Variants in DOCK9 observed in about 807,000 individuals in gnomAD.
DOCK9 encodes dedicator of cytokinesis 9, also known as dedicator of cytokinesis protein 9.
Under a neutral mutation model 263.3 loss-of-function variants are expected in DOCK9, and 89 were observed. The ratio of observed to expected loss-of-function variants is 0.34; its 90% confidence interval spans 0.28 to 0.40. The LOEUF (loss-of-function observed/expected upper bound fraction) is 0.40, where lower values mean the gene tolerates loss of function less well. DOCK9 is among the 10% of genes least tolerant of loss of function. The probability of loss-of-function intolerance (pLI) is 1.00; values close to 1 mark genes in which losing one functional copy is unlikely to be tolerated. For missense variants in DOCK9, 2,140 were observed against 2,603.4 expected (o/e 0.82, Z 3.87); for synonymous variants, 976 against 973.1 (o/e 1.00, Z -0.06).
chr13:98,856,065 T>C (rs757219606), intron 33 of DOCK9, 34 bp from the exon 34 acceptor site: 6 of 1,609,752 alleles, frequency 3.7e-6, no homozygotes, highest in Non-Finnish European at 5.1e-6. Context: ...TAAAGTTTTA[T>C]TAAGACAGAA....
intron 38 of DOCK9, among the ~76,000 whole-genome samples, chr13:98,839,455 G>C (rs2093129891): frequency 6.6e-6 from 1 of 152,190 alleles, no homozygotes; most frequent in Non-Finnish European, 1.5e-5. Context: ...TGGTAAGAGG[G>C]CACACACAAG....
rs759606820 is a variant in DOCK9 at position 98,794,709 on chromosome 13, A to C, written c.6196T>G (p.Ser2066Ala). 1 of 1,613,938 alleles carries C rather than the reference A, an allele frequency of 6.2e-7. No individual in the cohort carries two copies. The highest frequency in any genetic ancestry group is 1.1e-5 in the South Asian group (1 of 91,056). ...LEEKTSVLPN[S>A]LHIFNAISGT... The stretch of plus-strand genomic sequence containing the variant: ...CTGATGGCGTTGAAGATGTGAAGGG[A>C]ATTCGGTAAGACGCTCGTCTTCTCC... The change falls in exon 53 of 53, where the codon TCC (serine) becomes GCC (alanine). Residue 2066 changes from serine to alanine, a missense_variant. Ser to Ala is a moderately conservative substitution (Grantham distance 99, BLOSUM62 1). Around this residue, in one of 2 missense-constraint regions of DOCK9, gnomAD observed 619 missense variants for 861.8 expected, o/e 0.72. Coordinates refer to ENST00000682017, the MANE Select transcript of DOCK9 (RefSeq NM_001366683.2).
chr13:99,055,732 A>G (rs1439248262), intron 1 of DOCK9, among the ~76,000 whole-genome samples: 2 of 151,870 alleles, frequency 1.3e-5, no homozygotes, highest in African/African-American at 4.8e-5. Context: ...ACAGTTGTCA[A>G]CTGTTCTCTA....
intron 1 of DOCK9, among the ~76,000 whole-genome samples, chr13:99,049,008 T>A (rs921215280): frequency 6.6e-6 from 1 of 152,240 alleles, no homozygotes. Context: ...TTTGTTTGGT[T>A]ATTTTCTGTA....
At chr13:98,919,112 T>TTC (rs1408680560) in intron 7 of DOCK9, among the ~76,000 whole-genome samples, 22 of 87,856 alleles carry the variant, frequency 2.5e-4, no homozygotes, top group African/African-American at 7.9e-4. Flanking sequence ...GCTGGGCTGT[T>TTC]TCTCTTTTTT....
chr13:98,883,023 T>C lies in DOCK9; in HGVS notation c.2559+19A>G, dbSNP rs2045077008. 6.2e-7 allele frequency: 1 copy of C among 1,604,142 alleles called. No individual in the cohort carries two copies. Among genetic ancestry groups the C allele is most frequent in the Admixed American group, 1.7e-5 (1 of 58,386 alleles). Reference sequence around the variant, plus strand: ...TCCAAACTCACTTAAAAGGGGATACTAAGAAAGCCATGTGATACCTTAAGG... The same window carrying C: ...TCCAAACTCACTTAAAAGGGGATACCAAGAAAGCCATGTGATACCTTAAGG... On this transcript the variant is annotated intron_variant, in intron 23 of 52. Transcript: ENST00000682017.
intron 1 of DOCK9, among the ~76,000 whole-genome samples, chr13:99,022,182 A>T (rs1446413436): frequency 6.6e-6 from 1 of 152,200 alleles, no homozygotes; most frequent in African/African-American, 2.4e-5. Context: ...AGTGCCAGTT[A>T]CCTTGAAGTG....
chr13:98,834,058 T>C (rs879706363), intron 39 of DOCK9, among the ~76,000 whole-genome samples: 14 of 152,256 alleles, frequency 9.2e-5, no homozygotes, highest in Non-Finnish European at 8.8e-5. Context: ...TATAAAGGCA[T>C]GGCTTATTTC....
chr13:99,004,092 C>T (rs1266466664), intron 1 of DOCK9, among the ~76,000 whole-genome samples: 1 of 152,152 alleles, frequency 6.6e-6, no homozygotes, highest in Non-Finnish European at 1.5e-5. Context: ...TCTGCAGAAA[C>T]GTCCCTCTCC....
intron 2 of DOCK9, among the ~76,000 whole-genome samples, chr13:98,936,170 T>C (rs143687242): frequency 6.6e-6 from 1 of 152,228 alleles, no homozygotes; most frequent in Non-Finnish European, 1.5e-5. Flanking sequence ...GGTCTGATCC[T>C]GTACCATGGT....
intron 1 of DOCK9, among the ~76,000 whole-genome samples, chr13:99,042,496 G>T (rs1456189221): frequency 6.6e-6 from 1 of 152,234 alleles, no homozygotes; most frequent in African/African-American, 2.4e-5. Context: ...AGGGAAGACG[G>T]TATCACTAAC....
At chr13:99,086,339 G>A in exon 1 of DOCK9, 1 of 1,452,518 alleles carries the variant, frequency 6.9e-7, no homozygotes, top group Non-Finnish European at 9.0e-7. Context: ...GGGAGCAGCG[G>A]CGGCTGCGAC....
At chr13:98,961,261 C>G (rs1415717993) in intron 1 of DOCK9, among the ~76,000 whole-genome samples, 1 of 152,218 alleles carries the variant, frequency 6.6e-6, no homozygotes, top group Non-Finnish European at 1.5e-5. Flanking sequence ...AGAGCCCCCA[C>G]TTAGCTAGGC....
intron 2 of DOCK9, chr13:98,950,532 G>C: frequency 2.8e-6 from 1 of 352,602 alleles, no homozygotes; most frequent in South Asian, 4.5e-5. Context: ...TGAACTTCTA[G>C]GCTTAAGCAA....
Position 98,936,121 on chromosome 13 carries a change from C to G in DOCK9, c.244-5864G>C, listed in dbSNP as rs546579662. Among the ~76,000 whole-genome samples the G allele has an allele frequency of 2.0e-5, 3 of 152,256 alleles. No individual in the cohort carries two copies. The South Asian group carries it at 6.2e-4, about 32-fold the overall frequency. On this transcript the variant is annotated intron_variant, in intron 2 of 52. Transcript: ENST00000682017. ...TCAGTTCCCCTGAGCCTGAAACACT[C>G]TGGGTGACCAAATCCCATCTTTGGA... is the stretch of plus-strand genomic sequence containing the variant.
At chr13:98,831,245 A>C in intron 41 of DOCK9, 103 bp downstream of exon 41, 2 of 1,288,652 alleles carry the variant, frequency 1.6e-6, no homozygotes. Context: ...ATCTTGCAGT[A>C]TCTTTATGAC....
At chr13:98,911,621 G>T (rs1294136960) in intron 9 of DOCK9, among the ~76,000 whole-genome samples, 1 of 151,628 alleles carries the variant, frequency 6.6e-6, no homozygotes, top group Non-Finnish European at 1.5e-5. Flanking sequence ...CAGGTCGGGC[G>T]TAGTGGCTCA....
rs186408896 is a variant in DOCK9, at chr13:99,074,095, G to A, written c.129+12128C>T. Among the ~76,000 whole-genome samples, 26 of 152,322 alleles carry A rather than the reference G, an allele frequency of 1.7e-4. No homozygotes were observed. In the East Asian group the frequency reaches 4.8e-3, roughly 28 times the overall value. On this transcript the variant is annotated intron_variant, in intron 1 of 32. Transcript: ENST00000427887. ...TGCATTTTCACTACAAGATAAAAAG[G>A]TGTTTTGCAAGAAGTGCAAGGTTTT...
rs781207700 is a variant in DOCK9 at position 98,868,241 on chromosome 13, A to T, written c.3080T>A (p.Val1027Asp). ...ASKNANHSLA[V>D]FIKRCFTFMD... ...CCTGGAGGTCCCCACCTTGATGAAG[A>T]CAGCAAGGCTATGATTCGCGTTCTT... Residue 1027 changes from valine (V) to aspartate (D), a missense_variant, in exon 28 of 53, where the codon GTC becomes GAC. Around this residue, in one of 2 missense-constraint regions of DOCK9, gnomAD observed 1,521 missense variants for 1,741.7 expected, o/e 0.87. Transcript: ENST00000682017. 1 of 1,613,696 alleles carries T rather than the reference A, an allele frequency of 6.2e-7. No homozygotes were observed. Among genetic ancestry groups the T allele is most frequent in the Non-Finnish European group, 8.5e-7 (1 of 1,179,790 alleles).
Sources: allele counts gnomAD v4.1 joint callset (sites outside exome capture counted in the v4.1 genomes callset), GRCh38; gene constraint gnomAD v4.1.1; regional missense constraint gnomAD v4.1.1; transcripts MANE v1.5; gene names NCBI Gene and HGNC (gene_info 2026-07-23, HGNC 2026-07-21).